The following AGTPBP1 variants were observed in gnomAD, a reference collection of about 807,000 sequenced individuals.
AGTPBP1 encodes cytosolic carboxypeptidase 1.
A neutral mutation model predicts 143.9 loss-of-function variants in AGTPBP1; 70 were observed. That is an observed-to-expected ratio of 0.49 (90% CI 0.40 to 0.59). The LOEUF (loss-of-function observed/expected upper bound fraction) is 0.59, where lower values mean the gene tolerates loss of function less well. Among genes scored for constraint, AGTPBP1 ranks in the 20% least tolerant of loss-of-function variants. The pLI is 0.00. For missense variants in AGTPBP1, 1,229 were observed against 1,464.5 expected, an observed-to-expected ratio of 0.84 and a Z score of 2.62; for synonymous variants, 463 against 500.2, an observed-to-expected ratio of 0.93 and a Z score of 0.99.
At chr9:85,674,041 T>C (rs28504681) in intron 6 of AGTPBP1, among the ~76,000 whole-genome samples, 156 of 148,670 alleles carry the variant, frequency 1.0e-3, no homozygotes, top group Middle Eastern at 3.5e-3. Context: ...GAGAATGGCA[T>C]GAACCCAGGA....
At chr9:85,751,813 G>T in the AGTPBP1 span, among the ~76,000 whole-genome samples, 1 of 151,768 alleles carries the variant, frequency 6.6e-6, no homozygotes, top group Non-Finnish European at 1.5e-5. Context: ...CCCCATGTTG[G>T]CCAGGCTGGT....
intron 8 of AGTPBP1, among the ~76,000 whole-genome samples, chr9:85,661,264 G>A (rs565204430): frequency 2.3e-4 from 35 of 152,076 alleles, no homozygotes; most frequent in Non-Finnish European, 4.0e-4. Context: ...TTAGATGAAC[G>A]GAATCATTCA....
chr9:85,719,718 A>G (rs1837972903), intron 1 of AGTPBP1, among the ~76,000 whole-genome samples: 2 of 152,202 alleles, frequency 1.3e-5, no homozygotes, highest in Non-Finnish European at 2.9e-5. Context: ...GTGGTGAGAG[A>G]GGGCATCCTT....
intron 8 of AGTPBP1, among the ~76,000 whole-genome samples, chr9:85,669,242 C>T (rs62569203): frequency 0.017 from 2,535 of 151,768 alleles, 24 homozygotes; most frequent in Middle Eastern, 0.055. Context: ...TAGAAATGTT[C>T]AGTCTAAGTT....
chr9:85,740,700 AG>A (rs1324511495), intron 1 of AGTPBP1, among the ~76,000 whole-genome samples: 1 of 152,260 alleles, frequency 6.6e-6, no homozygotes, highest in Non-Finnish European at 1.5e-5. Flanking sequence ...CGGACATAAA[AG>A]GTAAGTGAAA....
At chr9:85,676,274 G>A (rs1834825480) in intron 6 of AGTPBP1, among the ~76,000 whole-genome samples, 1 of 151,968 alleles carries the variant, frequency 6.6e-6, no homozygotes, top group Admixed American at 6.6e-5. Context: ...CCTACAGAAT[G>A]GGAGGAAATA....
chr9:85,563,686 T>A (rs747532109), intron 25 of AGTPBP1, among the ~76,000 whole-genome samples: 27 of 152,328 alleles, frequency 1.8e-4, no homozygotes, highest in Middle Eastern at 3.4e-3. Flanking sequence ...AAGGACCAAC[T>A]GATAAGGCAT....
the AGTPBP1 span, among the ~76,000 whole-genome samples, chr9:85,753,853 C>T: frequency 6.6e-6 from 1 of 151,948 alleles, no homozygotes. Context: ...CACTAGATGC[C>T]GCCCAAATGC....
chr9:85,759,711 A>G, the AGTPBP1 span, among the ~76,000 whole-genome samples: 1 of 152,218 alleles, frequency 6.6e-6, no homozygotes, highest in Admixed American at 6.5e-5. Context: ...AATTAAAAGA[A>G]CTAGAGAAGC....
chr9:85,752,675 CTG>C, the AGTPBP1 span, among the ~76,000 whole-genome samples: 1 of 152,182 alleles, frequency 6.6e-6, no homozygotes, highest in African/African-American at 2.4e-5. Flanking sequence ...GAAATAATCA[CTG>C]TGTACCTCAC....
At chr9:85,797,689 C>T in the AGTPBP1 span, among the ~76,000 whole-genome samples, 1 of 151,668 alleles carries the variant, frequency 6.6e-6, no homozygotes, top group Admixed American at 6.6e-5. Flanking sequence ...TTGGGCCACA[C>T]ATAAAATACA....
intron 5 of AGTPBP1, 126 bp downstream of exon 5, chr9:85,678,209 A>G (rs1375958908): frequency 8.7e-6 from 5 of 576,834 alleles, no homozygotes; most frequent in Non-Finnish European, 1.2e-5. Flanking sequence ...ATGACATTTC[A>G]GTTTCTAATT....
intron 9 of AGTPBP1, 133 bp from the exon 10 acceptor site, chr9:85,657,776 C>A: frequency 1.7e-6 from 1 of 573,716 alleles, no homozygotes; most frequent in Non-Finnish European, 2.8e-6. Flanking sequence ...AAATGACAAG[C>A]ACATATTTAT....
chr9:85,693,735 T>A (rs61206055), intron 2 of AGTPBP1, among the ~76,000 whole-genome samples: 12,700 of 152,178 alleles, frequency 0.083, 576 homozygotes, highest in Non-Finnish European at 0.096. Flanking sequence ...GGTAAATATG[T>A]ACATTTTATA....
the AGTPBP1 span, among the ~76,000 whole-genome samples, chr9:85,801,504 C>T: frequency 0.01 from 1,573 of 151,978 alleles, 25 homozygotes; most frequent in African/African-American, 0.037. Flanking sequence ...TGTGGCAGAG[C>T]TAGCATCTGT....
At chr9:85,710,583 A>C (rs1837300432) in intron 2 of AGTPBP1, among the ~76,000 whole-genome samples, 1 of 152,076 alleles carries the variant, frequency 6.6e-6, no homozygotes, top group African/African-American at 2.4e-5. Context: ...TATTGCATTC[A>C]GCTTTCTTCA....
chr9:85,733,963 C>T (rs1036061624), intron 1 of AGTPBP1, among the ~76,000 whole-genome samples: 1 of 152,114 alleles, frequency 6.6e-6, no homozygotes, highest in Non-Finnish European at 1.5e-5. Flanking sequence ...AATTAAAAAC[C>T]TCCTTACAGG....
At chr9:85,678,436 C>CAAAAA in intron 4 of AGTPBP1, 38 bp from the exon 5 acceptor site, 1 of 1,383,630 alleles carries the variant, frequency 7.2e-7, no homozygotes, top group Non-Finnish European at 9.9e-7. Flanking sequence ...ACATTGTAAA[C>CAAAAA]TTTTGATTCC....
At chr9:85,696,146 C>T (rs1836224109) in intron 2 of AGTPBP1, among the ~76,000 whole-genome samples, 1 of 152,084 alleles carries the variant, frequency 6.6e-6, no homozygotes, top group Non-Finnish European at 1.5e-5. Flanking sequence ...CTAGCCTTTG[C>T]CAGACATTCT....
Sources: gnomAD v4.1 joint callset for allele counts (sites outside exome capture counted in the v4.1 genomes callset) on GRCh38, gnomAD v4.1.1 for gene constraint, MANE v1.5 for transcripts, NCBI Gene and HGNC (gene_info 2026-07-23, HGNC 2026-07-21) for gene names.